ATP6V0A4: variants seen among roughly 807,000 people sequenced by gnomAD.
ATP6V0A4 encodes V-type proton ATPase 116 kDa subunit a 4.
In ATP6V0A4, 86 loss-of-function variants were observed where a neutral mutation model predicts 107.3. The ratio of observed to expected loss-of-function variants is 0.80; its 90% CI spans 0.67 to 0.96. The LOEUF (loss-of-function observed/expected upper bound fraction) is 0.96, where lower values mean the gene tolerates loss of function less well. ATP6V0A4 is among the 40% of genes least tolerant of loss of function. The pLI is 0.00. For synonymous variants in ATP6V0A4, 353 were observed against 381.4 expected (o/e 0.93, Z 0.87); for missense variants, 908 against 1,045.6 (o/e 0.87, Z 1.81).
At chr7:138,785,278 C>CTTT (rs67440202) in intron 2 of ATP6V0A4, among the ~76,000 whole-genome samples, 1 of 131,672 alleles carries the variant, frequency 7.6e-6, no homozygotes, top group African/African-American at 2.8e-5. Flanking sequence ...TTTCTTTTTT[C>CTTT]TTTTTTTTTT....
At chr7:138,781,322 C>CTTTTTTTTTTT (rs113113605) in intron 2 of ATP6V0A4, among the ~76,000 whole-genome samples, 1 of 148,182 alleles carries the variant, frequency 6.7e-6, no homozygotes, top group Non-Finnish European at 1.5e-5. Flanking sequence ...TTCAGATTTT[C>CTTTTTTTTTTT]TTTTTTTTTT....
In ATP6V0A4 at chr7:138,762,931, T is replaced by C. The variant is rs1164726585; in HGVS notation, c.386A>G (p.Tyr129Cys). 1 of 1,613,708 alleles carries C rather than the reference T, an allele frequency of 6.2e-7. No individual in the cohort carries two copies. The highest frequency in any genetic ancestry group is 1.3e-5 in the African/African-American group (1 of 74,780). The change falls in exon 6 of 22, where the codon TAC becomes TGC. Residue 129 changes from tyrosine (Y) to cysteine (C), a missense_variant. Coordinates refer to ENST00000310018, the MANE Select transcript of ATP6V0A4 (RefSeq NM_020632.3). ...QSFLELTELK[Y>C]LLKKTQDFFE... is the part of the protein sequence containing the mutation. ...GAAGTCTTGGGTTTTCTTCAGGAGG[T>C]ATTTCAGTTCTGTCAGTTCTAGGAA...
At chr7:138,741,551 G>A (rs1171937718) in intron 14 of ATP6V0A4, among the ~76,000 whole-genome samples, 5 of 152,106 alleles carry the variant, frequency 3.3e-5, no homozygotes, top group East Asian at 1.9e-4. Flanking sequence ...GCCACCTGGC[G>A]ACTATGATAG....
At chr7:138,731,974 A>G (rs1027362887) in intron 17 of ATP6V0A4, among the ~76,000 whole-genome samples, 9 of 152,024 alleles carry the variant, frequency 5.9e-5, no homozygotes, top group Non-Finnish European at 1.0e-4. Context: ...GCTAAAAGAA[A>G]TGGAAGAAAT....
chr7:138,736,870 C>A (rs1805351107), intron 15 of ATP6V0A4, among the ~76,000 whole-genome samples: 1 of 151,826 alleles, frequency 6.6e-6, no homozygotes, highest in Non-Finnish European at 1.5e-5. Context: ...CGCGCCCGGC[C>A]TAGGGCTGTT....
chr7:138,763,623 A>T (rs1384613281), intron 5 of ATP6V0A4, among the ~76,000 whole-genome samples: 1 of 152,032 alleles, frequency 6.6e-6, no homozygotes, highest in African/African-American at 2.4e-5. Context: ...GCAAGACTCC[A>T]TTTCAAAAAA....
At chr7:138,716,451 A>G (rs909322442) in intron 19 of ATP6V0A4, among the ~76,000 whole-genome samples, 4 of 151,508 alleles carry the variant, frequency 2.6e-5, no homozygotes, top group Non-Finnish European at 5.9e-5. Context: ...CCTTAAAGAA[A>G]AAAAAAAAAG....
rs1806114414 is a variant in ATP6V0A4 at position 138,749,318 on chromosome 7, C to T, written c.1030-1G>A. 6.3e-7 allele frequency: 1 copy of T among 1,592,248 alleles called. No individual in the cohort carries two copies. Among genetic ancestry groups the T allele is most frequent in the African/African-American group, 1.4e-5 (1 of 71,000 alleles). Reference sequence around the variant, plus strand: ...GGGCCATGGAGGAGCCACTTAGTTCCTGGAAAAAAAAAAAAAAGCGACAAA... The same window carrying T: ...GGGCCATGGAGGAGCCACTTAGTTCTTGGAAAAAAAAAAAAAAGCGACAAA... On this transcript the variant is annotated splice_acceptor_variant, in intron 11 of 21. Transcript: ENST00000310018. LOFTEE classifies it high-confidence loss of function.
In ATP6V0A4 at chr7:138,723,923, A is replaced by G. The variant is rs150441709; in HGVS notation, c.2011-1898T>C. 1.9e-3 allele frequency among the ~76,000 whole-genome samples: 293 copies of G among 151,982 alleles called. 5 individuals carry two copies. The highest frequency in any genetic ancestry group is 3.7e-4 in the Non-Finnish European group (25 of 67,962). ...CACATGCCATAGGTTGAAATATTTA[A>G]AAGTTATACATCAAGCCAACAAATT... On this transcript the variant is annotated intron_variant, in intron 18 of 21. Coordinates refer to ENST00000310018, the MANE Select transcript of ATP6V0A4 (RefSeq NM_020632.3).
Position 138,759,052 on chromosome 7 carries a change from ATT to A in ATP6V0A4, c.639+698_639+699del, listed in dbSNP as rs33940158. 9.5e-3 allele frequency among the ~76,000 whole-genome samples: 520 copies of A among 54,544 alleles called. 7 individuals carry two copies. The highest frequency in any genetic ancestry group is 0.04 in the African/African-American group (457 of 11,446). The allele number at this position is 54,544 out of a possible 152,430, so 35.8% of individuals were successfully genotyped here. ...AGGCATGAGCCACCATGCCCAGCCT[ATT>A]TTTTTTTTTTTTTTTTTTTTTTTGA... On this transcript the variant is annotated intron_variant, in intron 8 of 21. Coordinates refer to ENST00000310018, the MANE Select transcript of ATP6V0A4 (RefSeq NM_020632.3).
chr7:138,752,305 G>C (rs1395321107), intron 11 of ATP6V0A4, among the ~76,000 whole-genome samples: 1 of 151,960 alleles, frequency 6.6e-6, no homozygotes, highest in Non-Finnish European at 1.5e-5. Flanking sequence ...GGGAGGCAGA[G>C]GTTGCAGTGA....
intron 1 of ATP6V0A4, among the ~76,000 whole-genome samples, chr7:138,792,771 T>TTG (rs1294771626): frequency 0.074 from 6,129 of 82,438 alleles, 272 homozygotes; most frequent in African/African-American, 0.15. Flanking sequence ...GGTTTGTTTT[T>TTG]TTTTTTGTTG....
At chr7:138,717,639 G>T (rs1804114576) in intron 19 of ATP6V0A4, among the ~76,000 whole-genome samples, 1 of 151,160 alleles carries the variant, frequency 6.6e-6, no homozygotes, top group South Asian at 2.1e-4. Flanking sequence ...CGGGCACGGT[G>T]GCTCATGCCT....
intron 18 of ATP6V0A4, among the ~76,000 whole-genome samples, chr7:138,724,340 T>G (rs1298596819): frequency 6.6e-6 from 1 of 152,194 alleles, no homozygotes; most frequent in African/African-American, 2.4e-5. Flanking sequence ...GCCCTCTTTT[T>G]TTCACCTCTG....
intron 11 of ATP6V0A4, among the ~76,000 whole-genome samples, chr7:138,752,294 C>T (rs559839116): frequency 3.3e-5 from 5 of 151,862 alleles, no homozygotes; most frequent in South Asian, 2.1e-4. Context: ...CACTTGAACC[C>T]GGGAGGCAGA....
chr7:138,739,484 A>G, intron 15 of ATP6V0A4, 56 bp downstream of exon 15: 1 of 1,592,526 alleles, frequency 6.3e-7, no homozygotes, highest in South Asian at 1.1e-5. Context: ...CTCTCTCCAG[A>G]GGTCTCCTCA....
intron 13 of ATP6V0A4, among the ~76,000 whole-genome samples, chr7:138,745,683 A>T (rs865891505): frequency 1.4e-5 from 2 of 145,052 alleles, no homozygotes; most frequent in African/African-American, 5.1e-5. Context: ...GCCGGGTGTG[A>T]TGGCTCACAC....
intron 2 of ATP6V0A4, among the ~76,000 whole-genome samples, chr7:138,775,987 G>A (rs1807642375): frequency 6.6e-6 from 1 of 151,874 alleles, no homozygotes; most frequent in South Asian, 2.1e-4. Flanking sequence ...TATAAAATAT[G>A]ACAACATAAA....
intron 2 of ATP6V0A4, among the ~76,000 whole-genome samples, chr7:138,777,164 A>G (rs1457624594): frequency 2.0e-5 from 3 of 152,102 alleles, no homozygotes; most frequent in African/African-American, 7.2e-5. Context: ...AAAAACAACA[A>G]AAAAAGTATG....
Sources: allele counts gnomAD v4.1 joint callset (sites outside exome capture counted in the v4.1 genomes callset), GRCh38; gene constraint gnomAD v4.1.1; transcripts MANE v1.5; gene names NCBI Gene and HGNC (gene_info 2026-07-23, HGNC 2026-07-21).